Variants in CEP192 observed in about 807,000 individuals in gnomAD.
The protein encoded by CEP192 is centrosomal protein 192.
A neutral mutation model predicts 271.8 loss-of-function variants in CEP192; 151 were observed. That is an observed-to-expected ratio of 0.56 (90% confidence interval 0.49 to 0.64). The LOEUF is 0.64. Ranked by LOEUF, CEP192 falls within the 30% of genes least tolerant of loss-of-function variation. The pLI, the probability that CEP192 is intolerant of heterozygous loss-of-function variation, is 0.00. For missense variants in CEP192, 2,910 were observed against 3,020.5 expected (o/e 0.96, Z 0.86); for synonymous variants, 995 against 1,076.5 (o/e 0.92, Z 1.48).
At chr18:13,028,459 A>C (rs547601353) in intron 9 of CEP192, among the ~76,000 whole-genome samples, 5 of 152,130 alleles carry the variant, frequency 3.3e-5, no homozygotes, top group Non-Finnish European at 7.4e-5. Context: ...ATTTTTTCCT[A>C]GTACTCTTAT....
At chr18:12,999,949 A>C (rs962066618) in intron 2 of CEP192, among the ~76,000 whole-genome samples, 1 of 151,334 alleles carries the variant, frequency 6.6e-6, no homozygotes, top group Non-Finnish European at 1.5e-5. Context: ...TCATAAGGTT[A>C]TAGGAGTACC....
intron 30 of CEP192, among the ~76,000 whole-genome samples, chr18:13,075,210 A>G (rs1598520985): frequency 2.0e-5 from 3 of 152,198 alleles, no homozygotes; most frequent in Admixed American, 2.0e-4. Flanking sequence ...GCCTTCTGCC[A>G]TGCGAGGACA....
At position 13,124,922 on chromosome 18, in the gene CEP192, G is replaced by A. The variant is rs1247855379; in HGVS notation, c.*152G>A. 2 of 611,380 alleles carry A rather than the reference G, an allele frequency of 3.3e-6. No individual in the cohort carries two copies. Among genetic ancestry groups the A allele is most frequent in the Admixed American group, 3.0e-5 (1 of 33,486 alleles). 37.9% of individuals were successfully genotyped at this position (611,380 alleles called of 1,614,324 possible). A position where few individuals can be genotyped will look rare whatever the true frequency, so the allele number is the denominator to read the frequency against. On this transcript the variant is annotated 3_prime_UTR_variant, in exon 45 of 45. Coordinates refer to ENST00000506447, the MANE Select transcript of CEP192 (RefSeq NM_032142.4). ...TTTTACAAGCTAATACTGAAGACTC[G>A]ACTGAAATATTATGTATCTAGCCCA...
chr18:13,037,583 G>A (rs571138119), intron 12 of CEP192, among the ~76,000 whole-genome samples: 120 of 152,256 alleles, frequency 7.9e-4, no homozygotes, highest in African/African-American at 2.7e-3. Flanking sequence ...TTTTGAGACA[G>A]GACTTGCTGT....
chr18:13,115,868 A>C (rs769923183), intron 42 of CEP192, among the ~76,000 whole-genome samples: 2 of 152,072 alleles, frequency 1.3e-5, no homozygotes, highest in Non-Finnish European at 2.9e-5. Flanking sequence ...TGTGAGGGGA[A>C]GGTCAGATGT....
chr18:13,102,217 A>ACTTTGC (rs1460023867), intron 38 of CEP192, among the ~76,000 whole-genome samples: 5 of 151,196 alleles, frequency 3.3e-5, no homozygotes, highest in Non-Finnish European at 5.9e-5. Flanking sequence ...CTAACTCTTG[A>ACTTTGC]CTTTGCCTTA....
chr18:13,061,963 C>T (rs1250241423), intron 21 of CEP192, among the ~76,000 whole-genome samples: 1 of 152,198 alleles, frequency 6.6e-6, no homozygotes, highest in Non-Finnish European at 1.5e-5. Context: ...GTTGAGCCTA[C>T]CTTTAAGCAG....
In CEP192 at chr18:13,055,954, T is replaced by A. The variant is rs1394595023; in HGVS notation, c.3364T>A (p.Ser1122Thr). Residue 1122 changes from serine (S) to threonine (T), a missense_variant, in exon 19 of 45, where the codon TCT becomes ACT. By Grantham distance (58) the Ser-to-Thr change is moderately conservative. Coordinates refer to ENST00000506447, the MANE Select transcript of CEP192 (RefSeq NM_032142.4). ...SDTRKATETT[S>T]LSSKPEYVKP... ...TACAAGAAAAGCAACTGAAACTACT[T>A]CTCTGAGTAGCAAGCCTGAATATGT... The A allele has an allele frequency of 3.7e-6, 6 of 1,614,104 alleles. No homozygotes were observed. The highest frequency in any genetic ancestry group is 5.1e-6 in the Non-Finnish European group (6 of 1,180,042).
chr18:12,994,106 A>G (rs186442316), intron 1 of CEP192, among the ~76,000 whole-genome samples: 3 of 152,290 alleles, frequency 2.0e-5, no homozygotes, highest in African/African-American at 4.8e-5. Context: ...CATTGTTCTA[A>G]GTGTTAAGGA....
At position 13,040,839 on chromosome 18, in the gene CEP192, G is replaced by T; in HGVS notation, c.1819G>T (p.Gly607Cys). The T allele has an allele frequency of 6.3e-7, 1 of 1,581,582 alleles. No homozygotes were observed. The highest frequency in any genetic ancestry group is 8.6e-7 in the Non-Finnish European group (1 of 1,162,882). Residue 607 changes from glycine to cysteine, a missense_variant, in exon 14 of 45, where the codon GGC becomes TGC. Coordinates refer to ENST00000506447, the MANE Select transcript of CEP192 (RefSeq NM_032142.4). ...GGNNVKRPSFGYFIRSPEKRE... is the reference protein window; with the variant it reads ...GGNNVKRPSFCYFIRSPEKRE... ...TTTAATTATTTTGTAGCCATCATTT[G>T]GCTATTTTATTAGATCACCAGAGAA...
rs775857794 is a variant in CEP192 at position 13,096,265 on chromosome 18, A to G, written c.6515A>G (p.His2172Arg). 14 of 1,613,982 alleles carry G rather than the reference A, an allele frequency of 8.7e-6. No individual in the cohort carries two copies. The highest frequency in any genetic ancestry group is 1.2e-5 in the Non-Finnish European group (14 of 1,179,924). Residue 2172 changes from histidine to arginine, a missense_variant, in exon 36 of 45, where the codon CAT (histidine) becomes CGT (arginine). Transcript: ENST00000506447. Reference sequence around the variant, plus strand: ...AGATTTGAGCTGTGCTGGCCAGCGCATTGCCTCACAGTCACGCCGCAGCAT... The same window carrying G: ...AGATTTGAGCTGTGCTGGCCAGCGCGTTGCCTCACAGTCACGCCGCAGCAT... ...LLRFELCWPA[H>R]CLTVTPQHGC...
intron 30 of CEP192, among the ~76,000 whole-genome samples, chr18:13,077,246 A>G (rs1003279106): frequency 1.3e-5 from 2 of 152,214 alleles, no homozygotes; most frequent in Non-Finnish European, 2.9e-5. Context: ...TTTAGTACAG[A>G]TTGAGTATCC....
intron 40 of CEP192, among the ~76,000 whole-genome samples, chr18:13,109,148 G>A (rs984383166): frequency 3.9e-5 from 6 of 152,138 alleles, no homozygotes; most frequent in Non-Finnish European, 8.8e-5. Context: ...TCAATCCACC[G>A]TTGATCACCG....
intron 20 of CEP192, 184 bp downstream of exon 20, chr18:13,057,917 T>C: frequency 2.5e-6 from 1 of 398,752 alleles, no homozygotes; most frequent in Non-Finnish European, 4.4e-6. Flanking sequence ...TGAAACAGTT[T>C]TGCATTTTCC....
chr18:13,011,241 GAAAC>G (rs2034338712), intron 4 of CEP192, among the ~76,000 whole-genome samples: 1 of 138,880 alleles, frequency 7.2e-6, no homozygotes, highest in Non-Finnish European at 1.6e-5. Flanking sequence ...AAAAAAAAAA[GAAAC>G]AATAAAAACA....
intron 26 of CEP192, 100 bp from the exon 27 acceptor site, chr18:13,069,638 T>C: frequency 1.4e-6 from 1 of 709,826 alleles, no homozygotes; most frequent in Non-Finnish European, 2.5e-6. Context: ...ACAAACAACC[T>C]GTCCTGGTAA....
At chr18:13,030,921 G>A (rs889124795) in intron 11 of CEP192, among the ~76,000 whole-genome samples, 1 of 152,156 alleles carries the variant, frequency 6.6e-6, no homozygotes, top group African/African-American at 2.4e-5. Flanking sequence ...TTTGTGACCT[G>A]AGCAAAGGAA....
intron 30 of CEP192, among the ~76,000 whole-genome samples, chr18:13,076,401 T>G (rs1435129190): frequency 1.3e-5 from 2 of 151,824 alleles, no homozygotes; most frequent in Non-Finnish European, 2.9e-5. Context: ...ATTTTTGTGT[T>G]TTTAGTAGAG....
rs2034582019 is a variant in CEP192, at chr18:13,015,328, ATTG to A, written c.525_527del (p.Val176del). Reference sequence around the variant, plus strand: ...TTACTTGCCATTTTGTTTCTTATAGATTGTTGTGCTTGATGCTGGAAAACATTT... The same window carrying A: ...TTACTTGCCATTTTGTTTCTTATAGATTGTGCTTGATGCTGGAAAACATTT... On this transcript the variant is annotated inframe_deletion and splice_region_variant, in exon 6 of 45. Transcript: ENST00000506447. 6.4e-7 allele frequency: 1 copy of A among 1,550,594 alleles called. No homozygotes were observed. The highest frequency in any genetic ancestry group is 2.4e-5 in the East Asian group (1 of 40,892).
Sources: gnomAD v4.1 joint callset for allele counts (sites outside exome capture counted in the v4.1 genomes callset) on GRCh38, gnomAD v4.1.1 for gene constraint, MANE v1.5 for transcripts, NCBI Gene and HGNC (gene_info 2026-07-23, HGNC 2026-07-21) for gene names.